The following PTPRD variants were observed in gnomAD, a reference collection of about 807,000 sequenced individuals.
PTPRD encodes receptor-type tyrosine-protein phosphatase delta.
In PTPRD, 34 loss-of-function variants were observed where a neutral mutation model predicts 214.5. That is an observed-to-expected ratio of 0.16 (90% CI 0.12 to 0.21). The LOEUF is 0.21. Ranked by LOEUF, PTPRD falls within the 10% of genes least tolerant of loss-of-function variation. The pLI is 1.00. For missense variants in PTPRD, 2,545 were observed against 2,398.7 expected (o/e 1.06, Z -1.27); for synonymous variants, 1,128 against 845.7 (o/e 1.33, Z -5.79).
intron 9 of PTPRD, among the ~76,000 whole-genome samples, chr9:9,299,097 A>G (rs1954249376): frequency 6.6e-6 from 1 of 151,796 alleles, no homozygotes; most frequent in Non-Finnish European, 1.5e-5. Context: ...TATGGATGGT[A>G]AGAAAAACTA....
intron 3 of PTPRD, among the ~76,000 whole-genome samples, chr9:10,204,544 T>C (rs1005960036): frequency 3.7e-4 from 57 of 152,214 alleles, no homozygotes; most frequent in Admixed American, 3.7e-3. Context: ...GATGATAGTT[T>C]GGGTACAATA....
intron 9 of PTPRD, among the ~76,000 whole-genome samples, chr9:9,279,890 T>C (rs960296550): frequency 1.3e-5 from 2 of 151,376 alleles, no homozygotes; most frequent in African/African-American, 4.8e-5. Context: ...CACGCCACTC[T>C]ACTTTTTAAA....
chr9:8,407,039 A>G (rs961478207), intron 35 of PTPRD, among the ~76,000 whole-genome samples: 4 of 152,180 alleles, frequency 2.6e-5, no homozygotes, highest in African/African-American at 9.6e-5. Context: ...ACTGAAACAA[A>G]CTGTTAACTC....
At chr9:9,523,511 C>T (rs1028091356) in intron 8 of PTPRD, among the ~76,000 whole-genome samples, 1 of 151,558 alleles carries the variant, frequency 6.6e-6, no homozygotes, top group Non-Finnish European at 1.5e-5. Context: ...ACATATTTAT[C>T]TAACTCCTGT....
At chr9:8,661,307 C>T (rs1248256243) in intron 12 of PTPRD, among the ~76,000 whole-genome samples, 1 of 152,026 alleles carries the variant, frequency 6.6e-6, no homozygotes, top group Non-Finnish European at 1.5e-5. Context: ...GAATATGATT[C>T]ACTGTTCTAA....
chr9:8,621,984 C>G (rs1368359681), intron 14 of PTPRD, among the ~76,000 whole-genome samples: 1 of 151,650 alleles, frequency 6.6e-6, no homozygotes, highest in Non-Finnish European at 1.5e-5. Flanking sequence ...TATTTTATTA[C>G]AAAAATCAAT....
intron 12 of PTPRD, among the ~76,000 whole-genome samples, chr9:8,638,100 CTTCTT>C (rs1326291915): frequency 2.2e-5 from 3 of 134,234 alleles, no homozygotes; most frequent in East Asian, 2.1e-4. Flanking sequence ...TTTGCTGTTC[CTTCTT>C]TTTTTTTTTT....
intron 14 of PTPRD, among the ~76,000 whole-genome samples, chr9:8,545,971 T>C (rs988544139): frequency 6.6e-6 from 1 of 152,216 alleles, no homozygotes; most frequent in African/African-American, 2.4e-5. Context: ...GTGGCTAGCC[T>C]ATCCAAGCAC....
At chr9:10,093,702 T>A (rs1026009757) in intron 3 of PTPRD, among the ~76,000 whole-genome samples, 2 of 151,448 alleles carry the variant, frequency 1.3e-5, no homozygotes, top group Non-Finnish European at 3.0e-5. Flanking sequence ...CAGGTGCCCA[T>A]CTATGGTGGA....
At chr9:9,466,975 C>T (rs1469238530) in intron 8 of PTPRD, among the ~76,000 whole-genome samples, 1 of 151,932 alleles carries the variant, frequency 6.6e-6, no homozygotes, top group East Asian at 1.9e-4. Context: ...TTTGATTTAG[C>T]CGAATAGCTG....
chr9:9,558,822 G>A lies in PTPRD; in HGVS notation c.-237+15910C>T, dbSNP rs1035202528. On this transcript the variant is annotated intron_variant, in intron 8 of 45. Transcript: ENST00000381196. Reference sequence around the variant, plus strand: ...CTATCTGTATATAATGCCCTATTACGAATTCGGGGACACCCTTCCTAACAG... The same window carrying A: ...CTATCTGTATATAATGCCCTATTACAAATTCGGGGACACCCTTCCTAACAG... Among the ~76,000 whole-genome samples the A allele has an allele frequency of 3.3e-5, 5 of 152,300 alleles. No individual in the cohort carries two copies. The East Asian group carries it at 5.8e-4, about 18-fold the overall frequency.
In PTPRD at chr9:8,597,066, A is replaced by G. The variant is rs556793929; in HGVS notation, c.352+36251T>C. 3.3e-5 allele frequency among the ~76,000 whole-genome samples: 5 copies of G among 152,226 alleles called. No homozygotes were observed. The East Asian group carries it at 9.6e-4, about 29-fold the overall frequency. Reference sequence around the variant, plus strand: ...TGCTCAAATAAATCAATTGTAACAGAAAAAAAGCGCATTTTTAAAATTACA... The same window carrying G: ...TGCTCAAATAAATCAATTGTAACAGGAAAAAAGCGCATTTTTAAAATTACA... On this transcript the variant is annotated intron_variant, in intron 14 of 45. Coordinates refer to ENST00000381196, the MANE Select transcript of PTPRD (RefSeq NM_002839.4).
At chr9:9,574,012 T>C (rs2087506802) in intron 8 of PTPRD, among the ~76,000 whole-genome samples, 2 of 151,868 alleles carry the variant, frequency 1.3e-5, no homozygotes, top group South Asian at 2.1e-4. Flanking sequence ...ATCTGGATTT[T>C]ATATATTTAT....
intron 14 of PTPRD, among the ~76,000 whole-genome samples, chr9:8,584,001 A>C (rs1018446920): frequency 2.6e-5 from 4 of 152,010 alleles, no homozygotes; most frequent in African/African-American, 9.7e-5. Flanking sequence ...AAAATATACA[A>C]ATTAGCCATC....
intron 14 of PTPRD, among the ~76,000 whole-genome samples, chr9:8,613,629 C>T (rs898697597): frequency 5.9e-5 from 9 of 152,084 alleles, no homozygotes; most frequent in Non-Finnish European, 1.0e-4. Context: ...CCTAAAATTG[C>T]CCTGGTAATT....
intron 11 of PTPRD, among the ~76,000 whole-genome samples, chr9:8,890,438 GT>G (rs1784217856): frequency 6.6e-6 from 1 of 152,154 alleles, no homozygotes; most frequent in Non-Finnish European, 1.5e-5. Context: ...TAAATTCATA[GT>G]GCTTCCCCTT....
chr9:9,923,264 T>C (rs1240186196), intron 5 of PTPRD, among the ~76,000 whole-genome samples: 1 of 147,926 alleles, frequency 6.8e-6, no homozygotes, highest in Non-Finnish European at 1.5e-5. Flanking sequence ...TTTTTTCAAA[T>C]AAAATATTGT....
At position 10,093,261 on chromosome 9, in the gene PTPRD, A is replaced by C. The variant is rs150630647; in HGVS notation, c.-544-59471T>G. On this transcript the variant is annotated intron_variant, in intron 3 of 45. Coordinates refer to ENST00000381196, the MANE Select transcript of PTPRD (RefSeq NM_002839.4). The stretch of plus-strand genomic sequence containing the variant: ...CTTAAATCAACAAGCAAAATTAAAT[A>C]ATCAAATTAAAAAATGAGTAAAAGA... Among the ~76,000 whole-genome samples the C allele has an allele frequency of 4.0e-4, 61 of 151,780 alleles. No individual in the cohort carries two copies. The East Asian group carries it at 0.012, about 29-fold the overall frequency.
At chr9:8,434,239 C>G (rs1305457081) in intron 35 of PTPRD, among the ~76,000 whole-genome samples, 2 of 152,148 alleles carry the variant, frequency 1.3e-5, no homozygotes, top group Non-Finnish European at 1.5e-5. Context: ...GCTTTGGCCT[C>G]CAAAATGCTG....
Sources: allele counts gnomAD v4.1 joint callset (sites outside exome capture counted in the v4.1 genomes callset), GRCh38; gene constraint gnomAD v4.1.1; transcripts MANE v1.5; gene names NCBI Gene and HGNC (gene_info 2026-07-23, HGNC 2026-07-21).